Variants in MYH13 observed in about 807,000 individuals in gnomAD.
MYH13 encodes myosin-13.
In MYH13, 177 loss-of-function variants were observed where a neutral mutation model predicts 232.1. That is an observed-to-expected ratio of 0.76 (90% confidence interval 0.67 to 0.86). The LOEUF is 0.86. Ranked by LOEUF, MYH13 falls within the 40% of genes least tolerant of loss-of-function variation. The pLI is 0.00. For synonymous variants in MYH13, 884 were observed against 923.5 expected (o/e 0.96, Z 0.78); for missense variants, 2,246 against 2,405.9 (o/e 0.93, Z 1.39).
rs551537688 is a variant in MYH13, at chr17:10,323,179, A to G, written c.2934+843T>C. Among the ~76,000 whole-genome samples the G allele has an allele frequency of 5.3e-5, 8 of 152,142 alleles. No individual in the cohort carries two copies. In the South Asian group the frequency reaches 1.5e-3, roughly 28 times the overall value. On this transcript the variant is annotated intron_variant, in intron 23 of 40. Coordinates refer to ENST00000252172, the MANE Select transcript of MYH13 (RefSeq NM_003802.3). ...GGTGGAAGAATTCCTTGATCTATAC[A>G]CCCAGGAGCAGAATTGCTGGGTCGT... is the stretch of plus-strand genomic sequence containing the variant.
At chr17:10,344,245 C>T in intron 15 of MYH13, 136 bp from the exon 16 acceptor site, 1 of 1,311,804 alleles carries the variant, frequency 7.6e-7, no homozygotes, top group South Asian at 1.6e-5. Context: ...GAGAGCAAGA[C>T]TCTTGGTCTG....
intron 37 of MYH13, among the ~76,000 whole-genome samples, chr17:10,305,846 G>T (rs969823264): frequency 6.6e-6 from 1 of 152,190 alleles, no homozygotes; most frequent in Non-Finnish European, 1.5e-5. Context: ...AGGTGTCGGG[G>T]GGTTGAACTT....
In MYH13 at chr17:10,311,196, T is replaced by C; in HGVS notation, c.4563A>G (p.Ala1521=). The C allele has an allele frequency of 6.2e-7, 1 of 1,614,086 alleles. No individual in the cohort carries two copies. Among genetic ancestry groups the C allele is most frequent in the Non-Finnish European group, 8.5e-7 (1 of 1,179,904 alleles). Residue 1521 remains alanine, a synonymous_variant, in exon 33 of 41, where the codon GCA becomes GCG. Transcript: ENST00000252172. ...CTTCCTGAAGATTCTTGCCAGTTTC[T>C]GCAATCTGCTCAGTTAAGTCGGAAA... The part of the protein sequence containing the change: ...EEISDLTEQI[A]ETGKNLQEAE...
chr17:10,333,029 G>T (rs1242755257), intron 19 of MYH13, 45 bp downstream of exon 19: 2 of 1,423,398 alleles, frequency 1.4e-6, no homozygotes, highest in African/African-American at 2.8e-5. Flanking sequence ...AAATGCAAAA[G>T]GTGCCCTCGG....
chr17:10,313,060 G>A, intron 30 of MYH13, 98 bp downstream of exon 30: 1 of 1,563,498 alleles, frequency 6.4e-7, no homozygotes, highest in East Asian at 2.2e-5. Context: ...AAACCACAAA[G>A]GCGTGGGCAG....
intron 26 of MYH13, 54 bp from the exon 27 acceptor site, chr17:10,319,233 T>G: frequency 6.4e-7 from 1 of 1,554,138 alleles, no homozygotes. Flanking sequence ...GCAGCCCCCT[T>G]TGAGAGGGGC....
At position 10,326,039 on chromosome 17, in the gene MYH13, A is replaced by G. The variant is rs564381869; in HGVS notation, c.2692-1775T>C. Among the ~76,000 whole-genome samples, 19 of 152,344 alleles carry G rather than the reference A, an allele frequency of 1.2e-4. No individual in the cohort carries two copies. In the South Asian group the frequency reaches 3.3e-3, roughly 27 times the overall value. ...CATGGGAGGAGACTGGCAAGCCTGC[A>G]TGCTAATGTTTGCTGAACATCTATA... On this transcript the variant is annotated intron_variant, in intron 22 of 40. Coordinates refer to ENST00000252172, the MANE Select transcript of MYH13 (RefSeq NM_003802.3).
chr17:10,359,380 C>T (rs1259327724), intron 7 of MYH13, among the ~76,000 whole-genome samples: 1 of 152,228 alleles, frequency 6.6e-6, no homozygotes, highest in African/African-American at 2.4e-5. Context: ...TTGATGAACA[C>T]CTAGAGGTAC....
chr17:10,345,634 C>G lies in MYH13; in HGVS notation c.1264-18G>C. The G allele has an allele frequency of 4.3e-6, 7 of 1,614,186 alleles. No individual in the cohort carries two copies. The highest frequency in any genetic ancestry group is 5.9e-6 in the Non-Finnish European group (7 of 1,180,044). On this transcript the variant is annotated intron_variant, in intron 13 of 40. Transcript: ENST00000252172. Reference sequence around the variant, plus strand: ...TTGGTCACCTTGAAAAAGGATCACCCACTCAACCCTTGAGTTAGTGTTTCT... The same window carrying G: ...TTGGTCACCTTGAAAAAGGATCACCGACTCAACCCTTGAGTTAGTGTTTCT...
intron 8 of MYH13, among the ~76,000 whole-genome samples, chr17:10,355,955 G>A (rs900841794): frequency 5.4e-5 from 8 of 147,470 alleles, no homozygotes; most frequent in Non-Finnish European, 8.9e-5. Flanking sequence ...TCAGAGGCCC[G>A]GGCTCAGGCT....
chr17:10,365,304 G>A (rs899169325), intron 2 of MYH13, among the ~76,000 whole-genome samples: 2 of 152,230 alleles, frequency 1.3e-5, no homozygotes, highest in Non-Finnish European at 2.9e-5. Context: ...GGTTAGCCCC[G>A]TGAAAAGTGA....
rs770146998 is a variant in MYH13 at position 10,315,745 on chromosome 17, G to T, written c.3932C>A (p.Ala1311Asp). 2 of 1,613,800 alleles carry T rather than the reference G, an allele frequency of 1.2e-6. No individual in the cohort carries two copies. The highest frequency in any genetic ancestry group is 4.5e-5 in the East Asian group (2 of 44,890). Residue 1311 changes from alanine to aspartate, a missense_variant, in exon 29 of 41, where the codon GCC becomes GAC. Transcript: ENST00000252172. ...AAGCTCCTCCAGCTGCTGGGTGAGG[G>T]CCTGCTTGCTTTTGGTCAGCTGTGA... is the stretch of plus-strand genomic sequence containing the variant. The part of the protein sequence containing the change: ...LISQLTKSKQ[A>D]LTQQLEELKR...
chr17:10,340,264 T>G, intron 17 of MYH13, 27 bp from the exon 18 acceptor site: 1 of 1,613,594 alleles, frequency 6.2e-7, no homozygotes, highest in South Asian at 1.1e-5. Flanking sequence ...AACAAGCACA[T>G]TTAGCAACTG....
In MYH13 at chr17:10,304,632, A is replaced by G. The variant is rs1159313302; in HGVS notation, c.5467-1134T>C. Among the ~76,000 whole-genome samples, 1 of 152,230 alleles carries G rather than the reference A, an allele frequency of 6.6e-6. No individual in the cohort carries two copies. The highest frequency in any genetic ancestry group is 6.5e-5 in the Admixed American group (1 of 15,290). ...AGTAGTCAAAGCACTCTCCAGGCCC[A>G]CTTGATAGACCCAAAGCAAGTCAGT... On this transcript the variant is annotated intron_variant, in intron 37 of 40. Coordinates refer to ENST00000252172, the MANE Select transcript of MYH13 (RefSeq NM_003802.3). This position sits in a 1 kb window ranked among gnomAD's most constrained non-coding sequence, Gnocchi z 5.3.
chr17:10,308,409 G>T (rs12603986), intron 35 of MYH13, among the ~76,000 whole-genome samples: 112,659 of 137,322 alleles, frequency 0.82, 46,616 homozygotes, highest in African/African-American at 0.92. Context: ...CTCATACTTT[G>T]ACTATATATA....
At chr17:10,335,863 G>A (rs10521165) in intron 18 of MYH13, among the ~76,000 whole-genome samples, 6,313 of 152,222 alleles carry the variant, frequency 0.041, 195 homozygotes, top group Non-Finnish European at 0.068. Flanking sequence ...TTCTTCTTAA[G>A]CACCGGGAGC....
At chr17:10,301,829 GC>G (rs2142212589) in intron 39 of MYH13, 126 bp from the exon 40 acceptor site, 1 of 1,290,272 alleles carries the variant, frequency 7.8e-7, no homozygotes, top group East Asian at 2.5e-5. Flanking sequence ...GGCAGAGAGG[GC>G]AGGGAAGCTT....
chr17:10,352,512 C>T (rs1005011673), intron 11 of MYH13, among the ~76,000 whole-genome samples: 1 of 151,964 alleles, frequency 6.6e-6, no homozygotes, highest in Non-Finnish European at 1.5e-5. Flanking sequence ...TTGCTTGAAC[C>T]TGGGAGGCAG....
intron 7 of MYH13, 89 bp downstream of exon 7, chr17:10,359,871 A>G (rs2071778349): frequency 8.4e-7 from 1 of 1,191,458 alleles, no homozygotes; most frequent in Non-Finnish European, 1.2e-6. Context: ...GTTTCTACTG[A>G]GCGCATACCC....
Sources: allele counts gnomAD v4.1 joint callset (sites outside exome capture counted in the v4.1 genomes callset), GRCh38; gene constraint gnomAD v4.1.1; non-coding constraint Gnocchi (gnomAD v3.1); transcripts MANE v1.5; gene names NCBI Gene and HGNC (gene_info 2026-07-23, HGNC 2026-07-21).